The following ATP13A2 variants were observed in gnomAD, a reference collection of about 807,000 sequenced individuals.
ATP13A2 encodes ATPase cation transporting 13A2, also known as polyamine-transporting ATPase 13A2.
In ATP13A2, 83 loss-of-function variants were observed where a neutral mutation model predicts 138.3. That is an observed-to-expected ratio of 0.60 (90% CI 0.50 to 0.72). The LOEUF is 0.72. Ranked by LOEUF, ATP13A2 falls within the 30% of genes least tolerant of loss-of-function variation. ATP13A2 has a pLI of 0.00. For missense variants in ATP13A2, 1,402 were observed against 1,606.4 expected (o/e 0.87, Z 2.17); for synonymous variants, 663 against 699.0 (o/e 0.95, Z 0.81).
At chr1:17,005,608 T>G (rs1174640226) in intron 2 of ATP13A2, 52 bp from the exon 3 acceptor site, 49 of 1,613,028 alleles carry the variant, frequency 3.0e-5, no homozygotes, top group Non-Finnish European at 4.1e-5. Flanking sequence ...GGGGCTGGAG[T>G]AGGAAGTTGG....
chr1:16,997,875 A>G (rs2077200867), intron 11 of ATP13A2, among the ~76,000 whole-genome samples: 1 of 89,544 alleles, frequency 1.1e-5, no homozygotes, highest in Admixed American at 1.4e-4. Flanking sequence ...TGGGGTAAGG[A>G]AGGGGAGGGG....
At chr1:17,006,127 T>A (rs2077551594) in intron 1 of ATP13A2, among the ~76,000 whole-genome samples, 1 of 152,092 alleles carries the variant, frequency 6.6e-6, no homozygotes, top group Admixed American at 6.6e-5. Flanking sequence ...AGAGTGAGAC[T>A]CCATCTCAAA....
At chr1:17,003,975 C>T (rs146063938) in intron 6 of ATP13A2, among the ~76,000 whole-genome samples, 224 of 152,218 alleles carry the variant, frequency 1.5e-3, no homozygotes, top group Non-Finnish European at 2.4e-3. Context: ...GCTCATGTTT[C>T]TTAAGCCTTT....
rs545021486 is a variant in ATP13A2 at position 16,998,134 on chromosome 1, G to A, written c.1040-959C>T. On this transcript the variant is annotated intron_variant, in intron 11 of 28. Transcript: ENST00000326735. ...GCCTCACAAGAGATGAGCAGATGAA[G>A]TATGTGTGGACAGTTTGTGGAGGGC... Among the ~76,000 whole-genome samples, 11 of 152,344 alleles carry A rather than the reference G, an allele frequency of 7.2e-5. No individual in the cohort carries two copies. In the East Asian group the frequency reaches 1.9e-3, roughly 27 times the overall value.
chr1:16,986,896 G>T lies in ATP13A2; in HGVS notation c.3144C>A (p.Thr1048=), dbSNP rs56126202. 6.2e-7 allele frequency: 1 copy of T among 1,614,012 alleles called. No homozygotes were observed. The highest frequency in any genetic ancestry group is 1.3e-5 in the African/African-American group (1 of 74,986). The change falls in exon 27 of 29, where the codon ACC becomes ACA. Residue 1048 remains threonine (T), a synonymous_variant. Coordinates refer to ENST00000326735, the MANE Select transcript of ATP13A2 (RefSeq NM_022089.4). The surrounding 1 kb of genome is among the most constrained non-coding windows in gnomAD (Gnocchi z 6.9). ...APDNLPNYEN[T]VVFSLSSFQY... ...GGAAGCTGGACAGAGAGAAGACCAC[G>T]GTGTTCTCGTAGTTGGGCAGGTTGT...
intron 8 of ATP13A2, 145 bp from the exon 9 acceptor site, chr1:17,000,679 C>A: frequency 1.9e-6 from 2 of 1,072,568 alleles, no homozygotes; most frequent in South Asian, 3.3e-5. Flanking sequence ...CAATCCCATC[C>A]CCACCCAACC....
chr1:16,997,135 C>A lies in ATP13A2; in HGVS notation c.1080G>T (p.Gly360=). Reference sequence around the variant, plus strand: ...GTGTCTCTGCACAGTAGGGCCCCAGCCCCTCCGGCAGTGCCGTCTTCAGCA... The same window carrying A: ...GTGTCTCTGCACAGTAGGGCCCCAGACCCTCCGGCAGTGCCGTCTTCAGCA... The part of the protein sequence containing the change: ...IPVLKTALPE[G]LGPYCAETHR... Residue 360 remains glycine (G), a synonymous_variant, in exon 12 of 29, where the codon GGG becomes GGT. Coordinates refer to ENST00000326735, the MANE Select transcript of ATP13A2 (RefSeq NM_022089.4). The A allele has an allele frequency of 6.2e-7, 1 of 1,613,756 alleles. No individual in the cohort carries two copies. The highest frequency in any genetic ancestry group is 1.1e-5 in the South Asian group (1 of 91,080).
chr1:17,011,847 G>C lies in ATP13A2; in HGVS notation c.-109C>G, dbSNP rs1337578636. ...GCGGTCCGGACGGCCCGGGGCGAGG[G>C]GCGCTGGGCTAGCGCGGGGCTGGAG... On this transcript the variant is annotated 5_prime_UTR_variant, in exon 1 of 29. Transcript: ENST00000326735. This position sits in a 1 kb window ranked among gnomAD's most constrained non-coding sequence, Gnocchi z 7.3. 9.8e-7 allele frequency: 1 copy of C among 1,016,192 alleles called. No individual in the cohort carries two copies. Among genetic ancestry groups the C allele is most frequent in the East Asian group, 7.6e-5 (1 of 13,076 alleles). The allele number at this position is 1,016,192 out of a possible 1,614,324, so 62.9% of individuals were successfully genotyped here.
chr1:17,003,254 G>A (rs768077973), intron 6 of ATP13A2, among the ~76,000 whole-genome samples: 2 of 152,054 alleles, frequency 1.3e-5, no homozygotes, highest in African/African-American at 4.8e-5. Context: ...CTGCTTCTGC[G>A]GCATTCAAAC....
chr1:17,009,261 A>G (rs1408369811), intron 1 of ATP13A2, among the ~76,000 whole-genome samples: 1 of 152,014 alleles, frequency 6.6e-6, no homozygotes, highest in Non-Finnish European at 1.5e-5. Flanking sequence ...AGTACCTGCC[A>G]TGTGCTCAGG....
At chr1:16,993,234 G>C (rs967136132) in intron 16 of ATP13A2, among the ~76,000 whole-genome samples, 3 of 151,726 alleles carry the variant, frequency 2.0e-5, no homozygotes, top group Non-Finnish European at 4.4e-5. Flanking sequence ...ATTATTTTTT[G>C]AGACAGGGTC....
chr1:16,986,729 T>C lies in ATP13A2; in HGVS notation c.3235+76A>G. 6.3e-7 allele frequency: 1 copy of C among 1,577,220 alleles called. No homozygotes were observed. Among genetic ancestry groups the C allele is most frequent in the Non-Finnish European group, 8.6e-7 (1 of 1,165,546 alleles). On this transcript the variant is annotated intron_variant, in intron 27 of 28. Transcript: ENST00000326735. The surrounding 1 kb of genome is among the most constrained non-coding windows in gnomAD (Gnocchi z 6.9). ...GTCTTCCACTCGGCCGGCACCTCTCTCCCATCTGCCTCCCCAGCACCCCAG... is the reference window on the plus strand; with the variant it reads ...GTCTTCCACTCGGCCGGCACCTCTCCCCCATCTGCCTCCCCAGCACCCCAG...
rs2077070805 is a variant in ATP13A2, at chr1:16,995,081, TACGCAGCACATCTGTGCC to T, written c.1542+877_1542+894del. ...TGCTCCACCACTCCCTGTGCTCAGG[TACGCAGCACATCTGTGCC>T]ACGCCACTCCCTGTGCCCCAGGCAC... On this transcript the variant is annotated intron_variant, in intron 15 of 28. Coordinates refer to ENST00000326735, the MANE Select transcript of ATP13A2 (RefSeq NM_022089.4). This position sits in a 1 kb window ranked among gnomAD's most constrained non-coding sequence, Gnocchi z 4.1. Among the ~76,000 whole-genome samples, 1 of 152,142 alleles carries T rather than the reference TACGCAGCACATCTGTGCC, an allele frequency of 6.6e-6. No individual in the cohort carries two copies. Among genetic ancestry groups the T allele is most frequent in the Admixed American group, 6.5e-5 (1 of 15,272 alleles).
At chr1:17,010,574 G>A (rs578072091) in intron 1 of ATP13A2, among the ~76,000 whole-genome samples, 23 of 152,308 alleles carry the variant, frequency 1.5e-4, no homozygotes, top group African/African-American at 5.1e-4. Context: ...GCTTGAAAGG[G>A]GAGAAGCTGG....
At position 16,986,928 on chromosome 1, in the gene ATP13A2, C is replaced by T. The variant is rs757076945; in HGVS notation, c.3112G>A (p.Ala1038Thr). Residue 1038 changes from alanine (A) to threonine (T), a missense_variant, in exon 27 of 29, where the codon GCA becomes ACA. By Grantham distance (58) the Ala-to-Thr change is moderately conservative. Coordinates refer to ENST00000326735, the MANE Select transcript of ATP13A2 (RefSeq NM_022089.4). The surrounding 1 kb of genome is among the most constrained non-coding windows in gnomAD (Gnocchi z 6.9). ...WFVPLNRTVA[A>T]PDNLPNYENT... is the part of the protein sequence containing the mutation. Reference sequence around the variant, plus strand: ...TCGTAGTTGGGCAGGTTGTCTGGTGCGGCCACTGTCCTGTTCAGAGGCACG... The same window carrying T: ...TCGTAGTTGGGCAGGTTGTCTGGTGTGGCCACTGTCCTGTTCAGAGGCACG... 4.7e-5 allele frequency: 76 copies of T among 1,613,310 alleles called. No homozygotes were observed. The highest frequency in any genetic ancestry group is 5.9e-5 in the Non-Finnish European group (70 of 1,179,854).
In ATP13A2 at chr1:16,987,241, A is replaced by G. The variant is rs2100659067; in HGVS notation, c.2888T>C (p.Phe963Ser). 5.6e-6 allele frequency: 9 copies of G among 1,613,844 alleles called. No homozygotes were observed. Among genetic ancestry groups the G allele is most frequent in the Non-Finnish European group, 7.6e-6 (9 of 1,179,818 alleles). ...GGTGATGACCAGGTCGATGGCCAGGAACTGCAGGTCACCCAGGTTGGTGTT... is the reference window on the plus strand; with the variant it reads ...GGTGATGACCAGGTCGATGGCCAGGGACTGCAGGTCACCCAGGTTGGTGTT... ...TINTNLGDLQ[F>S]LAIDLVITTT... The change falls in exon 26 of 29, where the codon TTC becomes TCC. Residue 963 changes from phenylalanine to serine, a missense_variant. Physicochemically the swap from Phe to Ser is radical, Grantham distance 155. Coordinates refer to ENST00000326735, the MANE Select transcript of ATP13A2 (RefSeq NM_022089.4).
At chr1:17,000,374 G>C (rs200382660) in intron 9 of ATP13A2, 26 bp downstream of exon 9, 1 of 1,602,360 alleles carries the variant, frequency 6.2e-7, no homozygotes, top group Non-Finnish European at 8.5e-7. Flanking sequence ...CACCTGTCCC[G>C]TCCCCACCCA....
At position 17,002,021 on chromosome 1, in the gene ATP13A2, G is replaced by T. The variant is rs766333405; in HGVS notation, c.705+13C>A. On this transcript the variant is annotated intron_variant, in intron 8 of 28. Coordinates refer to ENST00000326735, the MANE Select transcript of ATP13A2 (RefSeq NM_022089.4). ...CCAGGCAGGGCTGGGGCAAGACCCA[G>T]GGACAGCCCTACCTCGTCCACCAGC... is the stretch of plus-strand genomic sequence containing the variant. The T allele has an allele frequency of 1.2e-6, 2 of 1,605,650 alleles. No individual in the cohort carries two copies. The highest frequency in any genetic ancestry group is 2.2e-5 in the East Asian group (1 of 44,706).
chr1:17,000,077 C>T lies in ATP13A2; in HGVS notation c.973G>A (p.Gly325Arg). ...AGGGCGGCATCACAGGGCATCAGCC[C>T]ACCCTCCTGGGGCAGCACCAGGCAG... ...GDCLVLPQEG[G>R]LMPCDAALVA... The change falls in exon 11 of 29, where the codon GGG becomes AGG. Residue 325 changes from glycine to arginine, a missense_variant. By Grantham distance (125) the Gly-to-Arg change is moderately radical. Transcript: ENST00000326735. 6.2e-7 allele frequency: 1 copy of T among 1,613,464 alleles called. No homozygotes were observed. The highest frequency in any genetic ancestry group is 8.5e-7 in the Non-Finnish European group (1 of 1,179,950).
Sources: allele counts gnomAD v4.1 joint callset (sites outside exome capture counted in the v4.1 genomes callset), GRCh38; gene constraint gnomAD v4.1.1; non-coding constraint Gnocchi (gnomAD v3.1); transcripts MANE v1.5; gene names NCBI Gene and HGNC (gene_info 2026-07-23, HGNC 2026-07-21).